RASSF3: variants seen among roughly 807,000 people sequenced by gnomAD.
The protein encoded by RASSF3 is ras association domain-containing protein 3.
In RASSF3, 19 loss-of-function variants were observed where a neutral mutation model predicts 19.9. The observed-to-expected ratio is 0.96, with a 90% confidence interval of 0.67 to 1.40. RASSF3 has a LOEUF of 1.40. RASSF3 is among the 40% of genes most tolerant of loss of function. The pLI, the probability that RASSF3 is intolerant of heterozygous loss-of-function variation, is 0.00. For synonymous variants in RASSF3, 110 were observed against 104.2 expected, an observed-to-expected ratio of 1.06 and a Z score of -0.34; for missense variants, 306 against 289.8, an observed-to-expected ratio of 1.06 and a Z score of -0.41.
chr12:64,585,408 C>A (rs1869777888), intron 2 of RASSF3, among the ~76,000 whole-genome samples: 1 of 152,090 alleles, frequency 6.6e-6, no homozygotes, highest in Admixed American at 6.6e-5. Flanking sequence ...AATCCAAGAC[C>A]ATAAAGATTT....
rs139897110 is a variant in RASSF3 at position 64,634,967 on chromosome 12, C to CT, written c.111+24240dup. Among the ~76,000 whole-genome samples, 1,090 of 128,092 alleles carry CT rather than the reference C, an allele frequency of 8.5e-3. 11 individuals carry two copies. The highest frequency in any genetic ancestry group is 0.024 in the African/African-American group (822 of 34,246). 84.0% of individuals were successfully genotyped at this position (128,092 alleles called of 152,430 possible). A position where few individuals can be genotyped will look rare whatever the true frequency, so the allele number is the denominator to read the frequency against. On this transcript the variant is annotated intron_variant, in intron 1 of 4. Coordinates refer to ENST00000542104, the MANE Select transcript of RASSF3 (RefSeq NM_178169.4). ...TCTTCTTTTTCTTTTCTTTTCTTTT[C>CT]TTTTTTTTTTTTTTTTGAGACAAGA...
intron 1 of RASSF3, among the ~76,000 whole-genome samples, chr12:64,634,218 T>C (rs919857130): frequency 2.0e-5 from 3 of 152,170 alleles, no homozygotes; most frequent in African/African-American, 4.8e-5. Context: ...ATTAGTTCTC[T>C]TAAACTAGGA....
At chr12:64,665,559 G>C (rs1204503873) in intron 1 of RASSF3, among the ~76,000 whole-genome samples, 5 of 152,102 alleles carry the variant, frequency 3.3e-5, no homozygotes, top group African/African-American at 9.7e-5. Context: ...CTCTCCATAA[G>C]ACACGCCCAC....
At chr12:64,603,627 T>TA (rs1273176534) in intron 2 of RASSF3, among the ~76,000 whole-genome samples, 1 of 152,210 alleles carries the variant, frequency 6.6e-6, no homozygotes, top group Non-Finnish European at 1.5e-5. Context: ...ATACTATCCT[T>TA]ATACGTAATC....
At chr12:64,557,999 C>A (rs994266165) in intron 2 of RASSF3, among the ~76,000 whole-genome samples, 2 of 152,120 alleles carry the variant, frequency 1.3e-5, no homozygotes, top group East Asian at 1.9e-4. Context: ...GGCAGAAAAC[C>A]AAACACATAC....
intron 1 of RASSF3, among the ~76,000 whole-genome samples, chr12:64,630,639 T>C (rs1384404719): frequency 6.6e-6 from 1 of 152,080 alleles, no homozygotes; most frequent in Non-Finnish European, 1.5e-5. Flanking sequence ...TAGTTCTCAG[T>C]AGATGTTTAG....
intron 2 of RASSF3, among the ~76,000 whole-genome samples, chr12:64,603,145 T>A (rs1870125521): frequency 6.6e-6 from 1 of 151,562 alleles, no homozygotes; most frequent in South Asian, 2.1e-4. Context: ...CTTCAATTTA[T>A]CTGTTTGGTT....
intron 2 of RASSF3, among the ~76,000 whole-genome samples, chr12:64,559,567 C>T (rs1191053615): frequency 1.3e-5 from 2 of 152,112 alleles, no homozygotes; most frequent in Non-Finnish European, 1.5e-5. Flanking sequence ...CCGCGCCTGG[C>T]CCCTTGTGGG....
intron 1 of RASSF3, among the ~76,000 whole-genome samples, chr12:64,641,386 A>T (rs950339094): frequency 1.3e-5 from 2 of 150,092 alleles, no homozygotes; most frequent in Non-Finnish European, 2.9e-5. Flanking sequence ...ACAGAGTGAG[A>T]CCCTGTCTCA....
At chr12:64,605,578 A>C (rs530628966), upstream of RASSF3, among the ~76,000 whole-genome samples, 2 of 152,124 alleles carry the variant, frequency 1.3e-5, no homozygotes, top group South Asian at 4.2e-4. Context: ...TAACAGGTCA[A>C]CTCAACTGGC....
chr12:64,641,414 ACG>A (rs138010191), intron 1 of RASSF3, among the ~76,000 whole-genome samples: 1 of 142,188 alleles, frequency 7.0e-6, no homozygotes, highest in African/African-American at 2.8e-5. Context: ...ACACACACAC[ACG>A]CGCGCGCGCG....
downstream of RASSF3, among the ~76,000 whole-genome samples, chr12:64,546,681 G>T (rs1869069433): frequency 6.6e-6 from 1 of 152,088 alleles, no homozygotes; most frequent in Non-Finnish European, 1.5e-5. Flanking sequence ...TAAATGCAAT[G>T]GTTCTCAAGT....
chr12:64,585,601 CTTTTTT>C (rs35374871), intron 2 of RASSF3, among the ~76,000 whole-genome samples: 87 of 96,268 alleles, frequency 9.0e-4, no homozygotes, highest in African/African-American at 3.8e-3. Context: ...TAGGCAAGTC[CTTTTTT>C]TTTTTTTTTT....
intron 2 of RASSF3, among the ~76,000 whole-genome samples, chr12:64,583,785 A>C (rs1186210520): frequency 1.3e-5 from 2 of 152,118 alleles, no homozygotes; most frequent in African/African-American, 4.8e-5. Context: ...TGGTGGTGGA[A>C]TTTGCTTGAC....
At chr12:64,547,603 G>A (rs547695128) in intron 2 of RASSF3, among the ~76,000 whole-genome samples, 37 of 149,930 alleles carry the variant, frequency 2.5e-4, no homozygotes, top group Admixed American at 1.5e-3. Context: ...AAGGAAGGAC[G>A]GAAGGAAGGA....
chr12:64,671,518 C>T (rs17223391), intron 1 of RASSF3, among the ~76,000 whole-genome samples: 16,842 of 152,162 alleles, frequency 0.11, 1,110 homozygotes, highest in East Asian at 0.3. Flanking sequence ...AGCAGGAGGA[C>T]GGAGAGGACT....
intron 1 of RASSF3, among the ~76,000 whole-genome samples, chr12:64,682,319 C>T (rs962932404): frequency 6.6e-6 from 1 of 152,178 alleles, no homozygotes; most frequent in Non-Finnish European, 1.5e-5. Context: ...CGCCTGTAAT[C>T]CCAGCACTTT....
chr12:64,658,952 C>A (rs1406011512), intron 1 of RASSF3, among the ~76,000 whole-genome samples: 1 of 152,102 alleles, frequency 6.6e-6, no homozygotes, highest in South Asian at 2.1e-4. Context: ...CACCTGTAGT[C>A]CCAGCTACTC....
intron 1 of RASSF3, among the ~76,000 whole-genome samples, chr12:64,681,731 G>A (rs1873134028): frequency 6.6e-6 from 1 of 152,166 alleles, no homozygotes; most frequent in South Asian, 2.1e-4. Context: ...ACTTCATTGG[G>A]GCTCAGTGCA....
Sources: gnomAD v4.1 joint callset for allele counts (sites outside exome capture counted in the v4.1 genomes callset) on GRCh38, gnomAD v4.1.1 for gene constraint, MANE v1.5 for transcripts, NCBI Gene and HGNC (gene_info 2026-07-23, HGNC 2026-07-21) for gene names.